Variants in NR6A1 observed in about 807,000 individuals in gnomAD.
NR6A1 encodes the protein retinoic acid receptor-related testis-associated receptor.
In NR6A1, 7 loss-of-function variants were observed where a neutral mutation model predicts 59.1. The observed-to-expected ratio is 0.12, with a 90% CI of 0.07 to 0.22. The LOEUF (loss-of-function observed/expected upper bound fraction) is 0.22. NR6A1 is among the 10% of genes least tolerant of loss of function. NR6A1 has a pLI of 1.00. For synonymous variants in NR6A1, 243 were observed against 236.1 expected (o/e 1.03, Z -0.27); for missense variants, 468 against 611.6 (o/e 0.77, Z 2.48).
intron 2 of NR6A1, among the ~76,000 whole-genome samples, chr9:124,685,952 A>G (rs1838318775): frequency 6.6e-6 from 1 of 152,226 alleles, no homozygotes; most frequent in Admixed American, 6.5e-5. Flanking sequence ...ATTTTTAAAT[A>G]AAAGTTTTAA....
At chr9:124,587,491 C>A (rs1315311757) in intron 2 of NR6A1, among the ~76,000 whole-genome samples, 1 of 152,126 alleles carries the variant, frequency 6.6e-6, no homozygotes, top group Non-Finnish European at 1.5e-5. Context: ...TTCTGAGGCC[C>A]TCGTGAAAGA....
At chr9:124,540,493 T>A (rs1833411950) in intron 4 of NR6A1, among the ~76,000 whole-genome samples, 1 of 152,158 alleles carries the variant, frequency 6.6e-6, no homozygotes, top group Admixed American at 6.5e-5. Flanking sequence ...CACTCCTCAA[T>A]GACAATCTCC....
intron 2 of NR6A1, among the ~76,000 whole-genome samples, chr9:124,627,882 C>CTTTTTTT (rs59874800): frequency 3.6e-5 from 3 of 83,736 alleles, no homozygotes; most frequent in East Asian, 3.7e-4. Context: ...CTGAGATTTT[C>CTTTTTTT]TTTTTTTTTT....
intron 3 of NR6A1, 142 bp downstream of exon 3, chr9:124,554,186 G>T: frequency 7.7e-7 from 1 of 1,292,974 alleles, no homozygotes; most frequent in Non-Finnish European, 1.1e-6. Flanking sequence ...TTATAGGCAA[G>T]AATGGTTCAT....
At chr9:124,592,296 G>A (rs541579048) in intron 2 of NR6A1, among the ~76,000 whole-genome samples, 1 of 152,236 alleles carries the variant, frequency 6.6e-6, no homozygotes, top group South Asian at 2.1e-4. Flanking sequence ...AAAGGGTCAT[G>A]GTAGGTTTCA....
At chr9:124,677,277 G>A (rs1837994481) in intron 2 of NR6A1, among the ~76,000 whole-genome samples, 1 of 151,854 alleles carries the variant, frequency 6.6e-6, no homozygotes, top group Non-Finnish European at 1.5e-5. Flanking sequence ...CTTTCTTCTG[G>A]AGACAGAGTC....
chr9:124,725,242 A>G (rs1455406087), intron 2 of NR6A1, among the ~76,000 whole-genome samples: 2 of 152,164 alleles, frequency 1.3e-5, no homozygotes, highest in Non-Finnish European at 2.9e-5. Context: ...TGGTACAGGG[A>G]CACTTCTTGT....
intron 2 of NR6A1, among the ~76,000 whole-genome samples, chr9:124,687,295 T>TTTATTTATTTAC (rs1838367407): frequency 1.9e-5 from 1 of 51,780 alleles, no homozygotes; most frequent in African/African-American, 8.4e-5. Context: ...TAATTAATTA[T>TTTATTTATTTAC]TTATTTATTT....
chr9:124,644,854 T>C (rs959695470), intron 2 of NR6A1, among the ~76,000 whole-genome samples: 3 of 152,246 alleles, frequency 2.0e-5, no homozygotes, highest in Non-Finnish European at 2.9e-5. Context: ...CTGAGGCATC[T>C]ACATACAACG....
At chr9:124,600,293 G>A (rs1035695814) in intron 2 of NR6A1, among the ~76,000 whole-genome samples, 1 of 152,040 alleles carries the variant, frequency 6.6e-6, no homozygotes, top group Admixed American at 6.6e-5. Context: ...AACTAAATAG[G>A]AATAATGAAA....
At chr9:124,674,198 G>A (rs1564230485) in intron 2 of NR6A1, among the ~76,000 whole-genome samples, 1 of 152,126 alleles carries the variant, frequency 6.6e-6, no homozygotes, top group Non-Finnish European at 1.5e-5. Flanking sequence ...GTAAAATGGA[G>A]ACCAATTCAC....
In NR6A1 at chr9:124,547,488, C is replaced by G. The variant is rs71495524; in HGVS notation, c.386-3631G>C. Among the ~76,000 whole-genome samples the G allele has an allele frequency of 7.4e-3, 1,128 of 152,244 alleles. 9 individuals are homozygous for G. The highest frequency in any genetic ancestry group is 0.019 in the Admixed American group (298 of 15,288). The stretch of plus-strand genomic sequence containing the variant: ...ACATGCTATTCTGTTTTACATAGTT[C>G]TGTCTCTGCATATGTTGCCTGTACT... On this transcript the variant is annotated intron_variant, in intron 3 of 9. Transcript: ENST00000487099.
rs1839553676 is a variant in NR6A1 at position 124,721,213 on chromosome 9, T to C, written c.142+12095A>G. ...CAAGGACCCAACAACCGCCTTTGAA[T>C]GCAACTATCTTTTCATCAACTGTAA... On this transcript the variant is annotated intron_variant, in intron 2 of 9. Transcript: ENST00000487099. 2.0e-5 allele frequency among the ~76,000 whole-genome samples: 3 copies of C among 152,208 alleles called. 1 individual carries two copies. The South Asian group carries it at 6.2e-4, about 32-fold the overall frequency.
chr9:124,587,971 G>A (rs943620158), intron 2 of NR6A1, among the ~76,000 whole-genome samples: 6 of 152,104 alleles, frequency 3.9e-5, no homozygotes, highest in African/African-American at 1.4e-4. Context: ...GGGCTCAAGT[G>A]ATCCTCCTGC....
rs148000337 is a variant in NR6A1 at position 124,592,908 on chromosome 9, T to C, written c.143-38338A>G. 5.5e-3 allele frequency among the ~76,000 whole-genome samples: 842 copies of C among 152,266 alleles called. 7 individuals carry two copies. Among genetic ancestry groups the C allele is most frequent in the African/African-American group, 0.019 (800 of 41,554 alleles). On this transcript the variant is annotated intron_variant, in intron 2 of 9. Coordinates refer to ENST00000487099, the MANE Select transcript of NR6A1 (RefSeq NM_033334.4). ...TTCCAAATGCCATAAAGAATTTGCA[T>C]CAAGAAAGTACCTAATGAATTAATG...
intron 2 of NR6A1, among the ~76,000 whole-genome samples, chr9:124,590,947 T>C (rs1167434066): frequency 6.6e-6 from 1 of 152,230 alleles, no homozygotes; most frequent in Non-Finnish European, 1.5e-5. Flanking sequence ...TGTAAAAGAC[T>C]TTCTGTAGAG....
At chr9:124,760,558 TCA>T (rs1487073117) in intron 1 of NR6A1, among the ~76,000 whole-genome samples, 1 of 152,124 alleles carries the variant, frequency 6.6e-6, no homozygotes, top group African/African-American at 2.4e-5. Context: ...TTCAGAAATG[TCA>T]GAGTATATTG....
At chr9:124,612,168 CA>C (rs1465945124) in intron 2 of NR6A1, among the ~76,000 whole-genome samples, 1 of 152,128 alleles carries the variant, frequency 6.6e-6, no homozygotes, top group Non-Finnish European at 1.5e-5. Flanking sequence ...CAAAACTAAA[CA>C]AGGAATTTAA....
intron 2 of NR6A1, among the ~76,000 whole-genome samples, chr9:124,582,559 G>A (rs1834805243): frequency 6.6e-6 from 1 of 151,540 alleles, no homozygotes; most frequent in Non-Finnish European, 1.5e-5. Context: ...TCCTGCACAT[G>A]TACCCCTGAA....
Sources: allele counts gnomAD v4.1 joint callset (sites outside exome capture counted in the v4.1 genomes callset), GRCh38; gene constraint gnomAD v4.1.1; transcripts MANE v1.5; gene names NCBI Gene and HGNC (gene_info 2026-07-23, HGNC 2026-07-21).